Variants in PCDH9 observed in about 807,000 individuals in gnomAD.
PCDH9 encodes protocadherin 9.
In PCDH9, 24 loss-of-function variants were observed where a neutral mutation model predicts 70.6. The observed-to-expected ratio is 0.34, with a 90% confidence interval of 0.25 to 0.48. The LOEUF is 0.48. PCDH9 is among the 20% of genes least tolerant of loss of function. PCDH9 has a pLI of 0.99. For synonymous variants in PCDH9, 562 were observed against 558.5 expected (o/e 1.01, Z -0.09); for missense variants, 1,281 against 1,503.6 (o/e 0.85, Z 2.45).
intron 3 of PCDH9, among the ~76,000 whole-genome samples, chr13:66,791,007 A>G (rs1009935322): frequency 1.3e-5 from 2 of 152,114 alleles, no homozygotes; most frequent in African/African-American, 4.8e-5. Context: ...GCGATTTACC[A>G]TTACTATGCA....
intron 4 of PCDH9, among the ~76,000 whole-genome samples, chr13:66,623,048 C>T (rs987514656): frequency 1.3e-5 from 2 of 152,194 alleles, no homozygotes; most frequent in African/African-American, 2.4e-5. Flanking sequence ...GACCGCGAAC[C>T]CACCAGAAGG....
intron 4 of PCDH9, among the ~76,000 whole-genome samples, chr13:66,585,914 C>T (rs1014739607): frequency 6.6e-6 from 1 of 152,092 alleles, no homozygotes; most frequent in East Asian, 1.9e-4. Context: ...GTGGTCAACC[C>T]TCTGCATTTC....
intron 4 of PCDH9, among the ~76,000 whole-genome samples, chr13:66,344,946 G>A (rs1303434895): frequency 6.6e-6 from 1 of 152,124 alleles, no homozygotes; most frequent in African/African-American, 2.4e-5. Flanking sequence ...GGAATTCAAA[G>A]GCTTTCTTGA....
At chr13:66,591,552 C>T (rs1237763899) in intron 4 of PCDH9, among the ~76,000 whole-genome samples, 1 of 150,616 alleles carries the variant, frequency 6.6e-6, no homozygotes, top group African/African-American at 2.4e-5. Flanking sequence ...CAGAAAGCAG[C>T]CAAATTAAAC....
chr13:67,145,365 TG>T (rs753708894), intron 2 of PCDH9, among the ~76,000 whole-genome samples: 22 of 152,054 alleles, frequency 1.4e-4, no homozygotes, highest in Non-Finnish European at 2.6e-4. Context: ...TATTTTACCT[TG>T]TCAAATTTTT....
intron 4 of PCDH9, among the ~76,000 whole-genome samples, chr13:66,508,679 C>T (rs571029664): frequency 6.6e-6 from 1 of 152,200 alleles, no homozygotes; most frequent in South Asian, 2.1e-4. Flanking sequence ...AAAACAACAC[C>T]AAATACAGTT....
At chr13:66,360,506 G>T (rs1477411196) in intron 4 of PCDH9, among the ~76,000 whole-genome samples, 1 of 152,066 alleles carries the variant, frequency 6.6e-6, no homozygotes, top group African/African-American at 2.4e-5. Context: ...ATGTGCTTAT[G>T]AATGTTAATT....
intron 4 of PCDH9, among the ~76,000 whole-genome samples, chr13:66,527,833 C>T (rs937903200): frequency 1.3e-5 from 2 of 152,180 alleles, no homozygotes; most frequent in South Asian, 4.2e-4. Context: ...GCCTGGGGAA[C>T]ATGGCAAAAT....
chr13:66,552,024 C>CTTA (rs1566410832), intron 4 of PCDH9, among the ~76,000 whole-genome samples: 2 of 152,070 alleles, frequency 1.3e-5, no homozygotes, highest in Admixed American at 1.3e-4. Flanking sequence ...TGTTGCTTGT[C>CTTA]TTATAGTTGT....
chr13:66,439,421 G>T (rs549853375), intron 4 of PCDH9, among the ~76,000 whole-genome samples: 1 of 152,200 alleles, frequency 6.6e-6, no homozygotes, highest in East Asian at 1.9e-4. Flanking sequence ...CATTTTCTAA[G>T]AGTAGATTTC....
chr13:67,226,245 T>G lies in PCDH9; in HGVS notation c.2196A>C (p.Thr732=). 6.2e-7 allele frequency: 1 copy of G among 1,614,188 alleles called. No individual in the cohort carries two copies. The highest frequency in any genetic ancestry group is 8.5e-7 in the Non-Finnish European group (1 of 1,180,014). The change falls in exon 2 of 5, where the codon ACA becomes ACC. Residue 732 remains threonine (T), a synonymous_variant. Coordinates refer to ENST00000377865, the MANE Select transcript of PCDH9 (RefSeq NM_203487.3). The surrounding 1 kb of genome is among the most constrained non-coding windows in gnomAD (Gnocchi z 5.0). ...NKGLFRIDPV[T]GNITLEEKPA... ...GTTTTTCTTCCAGAGTAATGTTACCTGTTACTGGATCAATCCGGAATAAGC... is the reference window on the plus strand; with the variant it reads ...GTTTTTCTTCCAGAGTAATGTTACCGGTTACTGGATCAATCCGGAATAAGC...
intron 3 of PCDH9, among the ~76,000 whole-genome samples, chr13:66,639,358 G>A (rs1054674987): frequency 1.3e-5 from 2 of 152,180 alleles, no homozygotes; most frequent in African/African-American, 4.8e-5. Context: ...TGTGAAATGA[G>A]TTCCTCAAAC....
chr13:66,722,706 G>A (rs917410576), intron 3 of PCDH9, among the ~76,000 whole-genome samples: 10 of 152,048 alleles, frequency 6.6e-5, no homozygotes, highest in Admixed American at 1.3e-4. Context: ...GGTGGCTCAC[G>A]CCTGTAATCC....
chr13:66,973,654 C>G (rs1307284689), intron 2 of PCDH9, among the ~76,000 whole-genome samples: 2 of 151,998 alleles, frequency 1.3e-5, no homozygotes, highest in African/African-American at 4.8e-5. Flanking sequence ...GCTAACCTAT[C>G]AAGGCATGAT....
chr13:66,413,457 C>T (rs1014828019), intron 4 of PCDH9, among the ~76,000 whole-genome samples: 1 of 152,052 alleles, frequency 6.6e-6, no homozygotes. Context: ...GAGGCCGAGG[C>T]AGGCAAATCA....
At chr13:66,411,293 A>C (rs1241352404) in intron 4 of PCDH9, among the ~76,000 whole-genome samples, 3 of 152,170 alleles carry the variant, frequency 2.0e-5, no homozygotes, top group African/African-American at 7.2e-5. Flanking sequence ...TCTGTAATGC[A>C]GACTATTGTA....
At chr13:66,614,159 G>A (rs556610103) in intron 4 of PCDH9, among the ~76,000 whole-genome samples, 29 of 152,288 alleles carry the variant, frequency 1.9e-4, no homozygotes, top group African/African-American at 6.3e-4. Context: ...AGTAAGAACA[G>A]TAAAATGTGC....
chr13:66,701,125 C>T (rs972829452), intron 3 of PCDH9, among the ~76,000 whole-genome samples: 10 of 151,320 alleles, frequency 6.6e-5, no homozygotes, highest in East Asian at 1.9e-4. Context: ...ATTTGCATTT[C>T]GTAAACTGGG....
chr13:67,031,649 C>T (rs2084909507), intron 2 of PCDH9, among the ~76,000 whole-genome samples: 1 of 152,160 alleles, frequency 6.6e-6, no homozygotes, highest in Non-Finnish European at 1.5e-5. Context: ...TGCCACTGCA[C>T]TCCAGGCCTG....
Sources: allele counts gnomAD v4.1 joint callset (sites outside exome capture counted in the v4.1 genomes callset), GRCh38; gene constraint gnomAD v4.1.1; non-coding constraint Gnocchi (gnomAD v3.1); transcripts MANE v1.5; gene names NCBI Gene and HGNC (gene_info 2026-07-23, HGNC 2026-07-21).